DOP1A: variants seen among roughly 807,000 people sequenced by gnomAD.
DOP1A encodes the protein DOP1 leucine zipper like protein A.
A neutral mutation model predicts 267.6 loss-of-function variants in DOP1A; 90 were observed. The ratio of observed to expected loss-of-function variants is 0.34; its 90% CI spans 0.28 to 0.40. The LOEUF is 0.40. Ranked by LOEUF, DOP1A falls within the 10% of genes least tolerant of loss-of-function variation. The pLI is 1.00. For synonymous variants in DOP1A, 932 were observed against 999.1 expected, an observed-to-expected ratio of 0.93 and a Z score of 1.27; for missense variants, 2,437 against 2,900.4, an observed-to-expected ratio of 0.84 and a Z score of 3.67.
At chr6:83,087,210 A>G (rs1769436448) in intron 1 of DOP1A, among the ~76,000 whole-genome samples, 1 of 152,218 alleles carries the variant, frequency 6.6e-6, no homozygotes, top group Non-Finnish European at 1.5e-5. Flanking sequence ...GTTTGAAACT[A>G]GATCTTTAGC....
At position 83,140,217 on chromosome 6, in the gene DOP1A, A is replaced by C; in HGVS notation, c.5233-4A>C. Reference sequence around the variant, plus strand: ...TATGTTTCTTTTCCCCCAACTGTTAATAGCTTTTGGTCAGTGTAGACCAGA... The same window carrying C: ...TATGTTTCTTTTCCCCCAACTGTTACTAGCTTTTGGTCAGTGTAGACCAGA... On this transcript the variant is annotated splice_polypyrimidine_tract_variant and splice_region_variant and intron_variant, in intron 22 of 38. Coordinates refer to ENST00000349129, the MANE Select transcript of DOP1A (RefSeq NM_015018.4). 1 of 1,608,718 alleles carries C rather than the reference A, an allele frequency of 6.2e-7. No individual in the cohort carries two copies. Among genetic ancestry groups the C allele is most frequent in the Non-Finnish European group, 8.5e-7 (1 of 1,177,914 alleles).
intron 38 of DOP1A, chr6:83,164,783 C>G: frequency 7.3e-7 from 1 of 1,378,234 alleles, no homozygotes; most frequent in Admixed American, 2.1e-5. Context: ...GAGACACAAA[C>G]CCAGGTCTGA....
Position 83,138,975 on chromosome 6 carries a change from A to T in DOP1A, c.4933A>T (p.Ile1645Leu). Reference protein sequence around the residue: ...TCQGMFLCAVIRALHQHCACK... With the variant: ...TCQGMFLCAVLRALHQHCACK... ...TCAAGGCATGTTCCTCTGTGCAGTG[A>T]TACGAGCTTTGCATCAGCACTGTGC... The change falls in exon 21 of 39, where the codon ATA becomes TTA. Residue 1645 changes from isoleucine (I) to leucine (L), a missense_variant. Coordinates refer to ENST00000349129, the MANE Select transcript of DOP1A (RefSeq NM_015018.4). 6.2e-7 allele frequency: 1 copy of T among 1,614,100 alleles called. No individual in the cohort carries two copies.
intron 11 of DOP1A, 64 bp downstream of exon 11, chr6:83,122,114 G>T: frequency 6.4e-7 from 1 of 1,559,394 alleles, no homozygotes; most frequent in South Asian, 1.2e-5. Context: ...ATATAAACTT[G>T]AAGTGTAATA....
intron 11 of DOP1A, 113 bp downstream of exon 11, chr6:83,122,163 G>T (rs1428573947): frequency 3.5e-5 from 43 of 1,244,448 alleles, no homozygotes; most frequent in South Asian, 6.2e-5. Context: ...GTTCTAATAA[G>T]TAAAGCTGAT....
At chr6:83,069,800 T>C (rs1474199308) in intron 1 of DOP1A, among the ~76,000 whole-genome samples, 1 of 152,146 alleles carries the variant, frequency 6.6e-6, no homozygotes, top group East Asian at 1.9e-4. Context: ...AAATGGCATT[T>C]TGAGGTTCCA....
chr6:83,099,608 A>G (rs1223636696), intron 3 of DOP1A, among the ~76,000 whole-genome samples: 1 of 151,974 alleles, frequency 6.6e-6, no homozygotes, highest in African/African-American at 2.4e-5. Flanking sequence ...TATCTAGATA[A>G]CTCAAAGAAG....
chr6:83,137,523 G>T lies in DOP1A; in HGVS notation c.3481G>T (p.Val1161Leu). 2 of 1,613,790 alleles carry T rather than the reference G, an allele frequency of 1.2e-6. No homozygotes were observed. Among genetic ancestry groups the T allele is most frequent in the Admixed American group, 3.3e-5 (2 of 59,962 alleles). Residue 1161 changes from valine to leucine, a missense_variant, in exon 21 of 39, where the codon GTA becomes TTA. Coordinates refer to ENST00000349129, the MANE Select transcript of DOP1A (RefSeq NM_015018.4). ...QVVFDLICKVVSGLEVESASV... is the reference protein window; with the variant it reads ...QVVFDLICKVLSGLEVESASV... ...AGTATTTGACCTGATATGTAAAGTT[G>T]TAAGTGGCCTCGAAGTGGAATCTGC...
chr6:83,069,716 G>A (rs925778259), intron 1 of DOP1A, among the ~76,000 whole-genome samples: 1 of 151,898 alleles, frequency 6.6e-6, no homozygotes, highest in Non-Finnish European at 1.5e-5. Flanking sequence ...TATTCTTTCT[G>A]GTTTTTTGAC....
intron 9 of DOP1A, 117 bp from the exon 10 acceptor site, chr6:83,120,566 A>G (rs1437023974): frequency 4.3e-6 from 3 of 705,736 alleles, no homozygotes; most frequent in Non-Finnish European, 6.2e-6. Flanking sequence ...GCTTCAGAAA[A>G]GCAATAGTGG....
chr6:83,160,026 T>C lies in DOP1A; in HGVS notation c.6962+66T>C, dbSNP rs537074935. 8.9e-5 allele frequency: 132 copies of C among 1,484,374 alleles called. 2 individuals carry two copies. The South Asian group carries it at 1.6e-3, about 18-fold the overall frequency. 92.0% of individuals were successfully genotyped at this position (1,484,374 alleles called of 1,614,324 possible). On this transcript the variant is annotated intron_variant, in intron 37 of 38. Transcript: ENST00000349129. Reference sequence around the variant, plus strand: ...TGCATTTGCTTTGGTCACTGACATCTATGACTAATTAAAAAGTTTTTTGTG... The same window carrying C: ...TGCATTTGCTTTGGTCACTGACATCCATGACTAATTAAAAAGTTTTTTGTG...
rs999428115 is a variant in DOP1A, at chr6:83,072,417, C to T, written c.-147+4638C>T. Among the ~76,000 whole-genome samples the T allele has an allele frequency of 4.0e-5, 6 of 151,826 alleles. No homozygotes were observed. The South Asian group carries it at 8.3e-4, about 21-fold the overall frequency. ...CTGGGTTTTGTTTTTGTTTTTGAGA[C>T]GGGGCTCTGTAGTCCAGGGTGGAGT... On this transcript the variant is annotated intron_variant, in intron 1 of 38. Coordinates refer to ENST00000349129, the MANE Select transcript of DOP1A (RefSeq NM_015018.4).
Position 83,125,658 on chromosome 6 carries a change from A to G in DOP1A, c.1644A>G (p.Leu548=), listed in dbSNP as rs528381469. ...TTAGCAAGGTTCAGCCTCCACTGTTATCTGCTAGCACTGGAGGTGTTTTGC... is the reference window on the plus strand; with the variant it reads ...TTAGCAAGGTTCAGCCTCCACTGTTGTCTGCTAGCACTGGAGGTGTTTTGC... ...KILSKVQPPL[L]SASTGGVLQF... Residue 548 remains leucine (L), a synonymous_variant, in exon 15 of 39, where the codon TTA becomes TTG. Transcript: ENST00000349129. The G allele has an allele frequency of 5.0e-6, 8 of 1,613,808 alleles. No individual in the cohort carries two copies. The East Asian group carries it at 1.1e-4, about 22-fold the overall frequency.
chr6:83,145,715 G>C lies in DOP1A; in HGVS notation c.5676+57G>C, dbSNP rs528763637. On this transcript the variant is annotated intron_variant, in intron 25 of 38. Transcript: ENST00000349129. ...CAATTCTGTTTCAGAAATTATGCTGGTAAGATTTTTTTTTGTACAATAATG... is the reference window on the plus strand; with the variant it reads ...CAATTCTGTTTCAGAAATTATGCTGCTAAGATTTTTTTTTGTACAATAATG... The C allele has an allele frequency of 1.9e-6, 3 of 1,565,872 alleles. No individual in the cohort carries two copies. The African/African-American group carries it at 4.1e-5, about 21-fold the overall frequency.
Position 83,137,907 on chromosome 6 carries a change from G to A in DOP1A, c.3865G>A (p.Glu1289Lys), listed in dbSNP as rs373931102. Reference sequence around the variant, plus strand: ...TTCGGAGAAGGAAACAATAGTTAAGGAGTCAGGTAAACAACCAGGAGCAAA... The same window carrying A: ...TTCGGAGAAGGAAACAATAGTTAAGAAGTCAGGTAAACAACCAGGAGCAAA... ...KVSEKETIVKESGKQPGAKPK... is the reference protein window; with the variant it reads ...KVSEKETIVKKSGKQPGAKPK... The change falls in exon 21 of 39, where the codon GAG becomes AAG. Residue 1289 changes from glutamate to lysine, a missense_variant. Glu to Lys is a moderately conservative substitution (Grantham distance 56). Transcript: ENST00000349129. 17 of 1,611,988 alleles carry A rather than the reference G, an allele frequency of 1.1e-5. No individual in the cohort carries two copies. In the African/African-American group the frequency reaches 2.1e-4, roughly 20 times the overall value.
intron 34 of DOP1A, among the ~76,000 whole-genome samples, chr6:83,156,372 T>C (rs1278074797): frequency 2.0e-5 from 3 of 152,240 alleles, no homozygotes; most frequent in Non-Finnish European, 4.4e-5. Flanking sequence ...AGGTATAAGA[T>C]GATTTTGCTG....
intron 1 of DOP1A, among the ~76,000 whole-genome samples, chr6:83,087,285 A>G (rs1769447785): frequency 6.6e-6 from 1 of 152,216 alleles, no homozygotes; most frequent in Non-Finnish European, 1.5e-5. Flanking sequence ...TGTGTCAAGA[A>G]CTTAAATTTA....
intron 6 of DOP1A, among the ~76,000 whole-genome samples, chr6:83,112,768 A>C (rs1393812995): frequency 1.3e-5 from 2 of 152,170 alleles, no homozygotes; most frequent in Non-Finnish European, 2.9e-5. Context: ...TAACAGCATT[A>C]TGCTATTTAA....
intron 1 of DOP1A, among the ~76,000 whole-genome samples, chr6:83,076,743 T>C (rs776689110): frequency 1.3e-5 from 2 of 152,152 alleles, no homozygotes; most frequent in African/African-American, 2.4e-5. Flanking sequence ...AAAATTACTC[T>C]CTAAATGCAG....
Sources: gnomAD v4.1 joint callset for allele counts (sites outside exome capture counted in the v4.1 genomes callset) on GRCh38, gnomAD v4.1.1 for gene constraint, MANE v1.5 for transcripts, NCBI Gene and HGNC (gene_info 2026-07-23, HGNC 2026-07-21) for gene names.